Variants in OPCML observed in about 807,000 individuals in gnomAD.
OPCML encodes the protein opioid binding protein/cell adhesion molecule like.
OPCML carries 13 observed loss-of-function variants against 37.8 expected under a neutral mutation model. That is an observed-to-expected ratio of 0.34 (90% confidence interval 0.22 to 0.55). The LOEUF (loss-of-function observed/expected upper bound fraction) is 0.55. OPCML is among the 20% of genes least tolerant of loss of function. The pLI is 0.91. For synonymous variants in OPCML, 176 were observed against 168.8 expected (o/e 1.04, Z -0.33); for missense variants, 341 against 435.6 (o/e 0.78, Z 1.93).
chr11:133,003,985 CT>C, intron 1 of OPCML: 1 of 985,432 alleles, frequency 1.0e-6, no homozygotes, highest in Non-Finnish European at 1.2e-6. Flanking sequence ...CGAGAAGTCC[CT>C]GCACCCCGAG....
chr11:132,745,563 CAAAAAAAA>C (rs10562857), intron 2 of OPCML, among the ~76,000 whole-genome samples: 15 of 102,982 alleles, frequency 1.5e-4, no homozygotes, highest in South Asian at 4.1e-4. Flanking sequence ...TGCTGTCTTG[CAAAAAAAA>C]AAAAAAAAAA....
chr11:132,975,559 A>C (rs1591868033), intron 1 of OPCML, among the ~76,000 whole-genome samples: 12 of 54,164 alleles, frequency 2.2e-4, no homozygotes, highest in Admixed American at 5.9e-4. Context: ...AAAAAAAAAA[A>C]AAAAAAAAAA....
intron 1 of OPCML, among the ~76,000 whole-genome samples, chr11:133,268,544 T>C (rs1199921643): frequency 6.6e-6 from 1 of 152,214 alleles, no homozygotes; most frequent in East Asian, 1.9e-4. Context: ...TAGGAAGCCA[T>C]AGTCATCAGA....
chr11:133,149,931 G>C (rs567213436), intron 1 of OPCML, among the ~76,000 whole-genome samples: 1 of 152,294 alleles, frequency 6.6e-6, no homozygotes, highest in Admixed American at 6.5e-5. Flanking sequence ...CAAGAGGCCG[G>C]AGCACTTGTA....
intron 1 of OPCML, chr11:133,066,361 T>G (rs1365042789): frequency 1.3e-5 from 2 of 152,240 alleles, no homozygotes; most frequent in Non-Finnish European, 2.9e-5. Flanking sequence ...CCAGTCTCAC[T>G]GCGCCCTCTC....
intron 2 of OPCML, among the ~76,000 whole-genome samples, chr11:132,734,679 T>C (rs1281992230): frequency 1.3e-5 from 2 of 152,226 alleles, no homozygotes; most frequent in African/African-American, 2.4e-5. Flanking sequence ...TAATCCACTA[T>C]GGATTGGGAG....
intron 1 of OPCML, among the ~76,000 whole-genome samples, chr11:133,137,547 T>C (rs1565465768): frequency 6.6e-6 from 1 of 152,162 alleles, no homozygotes; most frequent in Non-Finnish European, 1.5e-5. Context: ...TAAGAGTCAA[T>C]ATCATGCTGG....
At chr11:132,878,133 G>T (rs1254858083) in intron 2 of OPCML, among the ~76,000 whole-genome samples, 1 of 151,320 alleles carries the variant, frequency 6.6e-6, no homozygotes, top group Non-Finnish European at 1.5e-5. Context: ...AGTGAGCAGA[G>T]ATCGCACTAC....
At chr11:132,783,836 C>T (rs1020056313) in intron 2 of OPCML, among the ~76,000 whole-genome samples, 2 of 152,138 alleles carry the variant, frequency 1.3e-5, no homozygotes, top group African/African-American at 4.8e-5. Flanking sequence ...TTAAAACAAG[C>T]TCTGAAATCA....
At chr11:132,541,575 G>A (rs1453540436) in intron 3 of OPCML, among the ~76,000 whole-genome samples, 1 of 150,394 alleles carries the variant, frequency 6.6e-6, no homozygotes, top group African/African-American at 2.5e-5. Flanking sequence ...AGTGTCAAGT[G>A]ACACTGTGCA....
At chr11:133,295,313 A>T (rs2136550457) in intron 1 of OPCML, among the ~76,000 whole-genome samples, 1 of 152,362 alleles carries the variant, frequency 6.6e-6, no homozygotes, top group South Asian at 2.1e-4. Flanking sequence ...CTTCATTGAT[A>T]GAAGTGGTAA....
chr11:132,704,187 T>C (rs1943942360), intron 2 of OPCML, among the ~76,000 whole-genome samples: 1 of 152,130 alleles, frequency 6.6e-6, no homozygotes, highest in South Asian at 2.1e-4. Context: ...TAAAACTAAA[T>C]TACTATATGC....
chr11:133,430,739 A>G (rs981332271), intron 1 of OPCML, among the ~76,000 whole-genome samples: 1 of 152,270 alleles, frequency 6.6e-6, no homozygotes, highest in Non-Finnish European at 1.5e-5. Context: ...CCACTGCCTA[A>G]TGTGAGAAAC....
intron 1 of OPCML, among the ~76,000 whole-genome samples, chr11:132,968,499 C>T (rs1375313904): frequency 6.6e-6 from 1 of 151,946 alleles, no homozygotes; most frequent in Non-Finnish European, 1.5e-5. Flanking sequence ...CTTTTTTCTT[C>T]CTCTTGTTAT....
intron 1 of OPCML, among the ~76,000 whole-genome samples, chr11:133,011,307 TCA>T (rs1459708045): frequency 6.6e-6 from 1 of 152,178 alleles, no homozygotes; most frequent in Non-Finnish European, 1.5e-5. Flanking sequence ...AAATTCTTAG[TCA>T]CAGTTATTCA....
intron 1 of OPCML, among the ~76,000 whole-genome samples, chr11:133,149,432 G>T (rs1949943637): frequency 6.6e-6 from 1 of 152,174 alleles, no homozygotes; most frequent in Non-Finnish European, 1.5e-5. Context: ...GAGGCCCCAG[G>T]CAACTGCTAG....
chr11:133,152,357 T>G (rs1565475105), intron 1 of OPCML, among the ~76,000 whole-genome samples: 1 of 152,204 alleles, frequency 6.6e-6, no homozygotes, highest in Non-Finnish European at 1.5e-5. Context: ...TGTGTGGCAT[T>G]GTTTCATGTG....
At chr11:133,116,592 G>T (rs1338070072) in intron 1 of OPCML, among the ~76,000 whole-genome samples, 1 of 152,070 alleles carries the variant, frequency 6.6e-6, no homozygotes, top group African/African-American at 2.4e-5. Flanking sequence ...TGCAGGTTAT[G>T]CGTTTTTGGC....
Position 132,873,166 on chromosome 11 carries a change from A to G in OPCML, c.146+69760T>C, listed in dbSNP as rs190835564. ...TTCTTCCAGGAGTGGTTAAAAGTCA[A>G]CCAATAGATCTCCTCAGTCATTTTC... On this transcript the variant is annotated intron_variant, in intron 2 of 7. Coordinates refer to ENST00000524381, the MANE Select transcript of OPCML (RefSeq NM_001012393.5). 2.1e-3 allele frequency among the ~76,000 whole-genome samples: 327 copies of G among 152,272 alleles called. 1 individual carries two copies. Among genetic ancestry groups the G allele is most frequent in the African/African-American group, 6.9e-3 (285 of 41,552 alleles).
Sources: gnomAD v4.1 joint callset for allele counts (sites outside exome capture counted in the v4.1 genomes callset) on GRCh38, gnomAD v4.1.1 for gene constraint, MANE v1.5 for transcripts, NCBI Gene and HGNC (gene_info 2026-07-23, HGNC 2026-07-21) for gene names.